Variants in CSMD1 observed in about 807,000 individuals in gnomAD.
CSMD1 encodes the protein CUB and sushi domain-containing protein 1.
Under a neutral mutation model 417.5 loss-of-function variants are expected in CSMD1, and 213 were observed. That is an observed-to-expected ratio of 0.51 (90% CI 0.46 to 0.57). CSMD1 has a LOEUF of 0.57. Ranked by LOEUF, CSMD1 falls within the 20% of genes least tolerant of loss-of-function variation. The probability of loss-of-function intolerance (pLI) is 0.00; values close to 1 mark genes in which losing one functional copy is unlikely to be tolerated. For synonymous variants in CSMD1, 2,862 were observed against 1,736.8 expected, an observed-to-expected ratio of 1.65 and a Z score of -16.11; for missense variants, 6,923 against 4,529.7, an observed-to-expected ratio of 1.53 and a Z score of -15.17.
intron 1 of CSMD1, among the ~76,000 whole-genome samples, chr8:4,750,904 C>A (rs1312934725): frequency 2.0e-5 from 3 of 152,194 alleles, no homozygotes; most frequent in Non-Finnish European, 2.9e-5. Context: ...CTAGGTCTTA[C>A]TAATTTGGAT....
At chr8:4,073,208 C>T (rs1032532232) in intron 3 of CSMD1, among the ~76,000 whole-genome samples, 1 of 151,968 alleles carries the variant, frequency 6.6e-6, no homozygotes, top group Admixed American at 6.6e-5. Flanking sequence ...ACAACAATAA[C>T]TTGTTTTTAA....
intron 48 of CSMD1, 28 bp downstream of exon 48, chr8:3,091,488 A>G (rs759632692): frequency 5.2e-6 from 8 of 1,539,832 alleles, no homozygotes; most frequent in Non-Finnish European, 7.0e-6. Flanking sequence ...AAATACTTTC[A>G]TATAAAATCT....
chr8:4,251,854 G>A (rs1451209568), intron 3 of CSMD1, among the ~76,000 whole-genome samples: 1 of 143,320 alleles, frequency 7.0e-6, no homozygotes, highest in Non-Finnish European at 1.5e-5. Context: ...CAGGAGGAGA[G>A]ATGGAGGAGA....
chr8:4,576,565 G>T (rs1799145698), intron 2 of CSMD1, among the ~76,000 whole-genome samples: 1 of 152,090 alleles, frequency 6.6e-6, no homozygotes, highest in Non-Finnish European at 1.5e-5. Context: ...GTTGGCAGGG[G>T]GTGGGGTGTG....
At chr8:4,763,041 G>C (rs1447600757) in intron 1 of CSMD1, among the ~76,000 whole-genome samples, 2 of 152,122 alleles carry the variant, frequency 1.3e-5, no homozygotes, top group Admixed American at 1.3e-4. Context: ...CCCCTAGCAA[G>C]ACTTCCAGGG....
chr8:4,555,405 C>T (rs547404859), intron 2 of CSMD1, among the ~76,000 whole-genome samples: 4 of 152,196 alleles, frequency 2.6e-5, no homozygotes, highest in African/African-American at 9.6e-5. Context: ...TCCTCTCCAG[C>T]GCAGGTGCAT....
intron 3 of CSMD1, among the ~76,000 whole-genome samples, chr8:4,378,774 A>G (rs1584983370): frequency 6.6e-6 from 1 of 152,144 alleles, no homozygotes; most frequent in African/African-American, 2.4e-5. Flanking sequence ...GCTCTCATGA[A>G]TGGGATTACT....
intron 5 of CSMD1, among the ~76,000 whole-genome samples, chr8:3,970,042 T>G (rs144418368): frequency 7.3e-4 from 111 of 152,354 alleles, no homozygotes; most frequent in African/African-American, 2.6e-3. Flanking sequence ...TTCAGCATAC[T>G]GAGCTACCAA....
At chr8:4,969,686 G>C (rs773708535) in intron 1 of CSMD1, among the ~76,000 whole-genome samples, 19 of 152,018 alleles carry the variant, frequency 1.2e-4, no homozygotes, top group Middle Eastern at 3.2e-3. Context: ...ATATTTTGGG[G>C]ACTTGGAGGG....
At chr8:4,439,813 G>A (rs1479199782) in intron 2 of CSMD1, among the ~76,000 whole-genome samples, 1 of 152,090 alleles carries the variant, frequency 6.6e-6, no homozygotes, top group African/African-American at 2.4e-5. Flanking sequence ...GTAAATTCAG[G>A]GGTGAAAATT....
intron 26 of CSMD1, among the ~76,000 whole-genome samples, chr8:3,282,935 AC>A (rs1400638939): frequency 6.6e-6 from 1 of 152,122 alleles, no homozygotes; most frequent in Non-Finnish European, 1.5e-5. Flanking sequence ...ATGATGGCTG[AC>A]CTTGTGTGCT....
At chr8:2,959,582 G>C (rs1225471539) in intron 62 of CSMD1, among the ~76,000 whole-genome samples, 2 of 151,840 alleles carry the variant, frequency 1.3e-5, no homozygotes, top group African/African-American at 4.8e-5. Flanking sequence ...AGAATATACC[G>C]AGCCACTGCA....
In CSMD1 at chr8:3,840,851, G is replaced by C. The variant is rs140911083; in HGVS notation, c.819-86809C>G. On this transcript the variant is annotated intron_variant, in intron 5 of 69. Transcript: ENST00000635120. ...GCTGGGCGCCTGCCACTACGTACAG[G>C]CGCCTGTGACTACGCCCATTAATTT... Among the ~76,000 whole-genome samples the C allele has an allele frequency of 3.2e-3, 491 of 151,902 alleles. 3 individuals are homozygous for C. Among genetic ancestry groups the C allele is most frequent in the African/African-American group, 0.012 (481 of 41,438 alleles).
chr8:4,037,382 T>G (rs1483673789), intron 3 of CSMD1, among the ~76,000 whole-genome samples: 1 of 152,196 alleles, frequency 6.6e-6, no homozygotes, highest in Non-Finnish European at 1.5e-5. Context: ...GGCCATCAGC[T>G]CCACGCAACA....
At chr8:4,269,881 G>A (rs1168400847) in intron 3 of CSMD1, among the ~76,000 whole-genome samples, 1 of 152,098 alleles carries the variant, frequency 6.6e-6, no homozygotes, top group Non-Finnish European at 1.5e-5. Flanking sequence ...ATCATTACTG[G>A]AGTTTATATT....
chr8:3,305,815 G>C (rs561897185), intron 25 of CSMD1, among the ~76,000 whole-genome samples: 1 of 152,236 alleles, frequency 6.6e-6, no homozygotes, highest in South Asian at 2.1e-4. Context: ...GAGTAGCTGG[G>C]ACTACAGGTG....
chr8:3,763,318 G>C lies in CSMD1; in HGVS notation c.819-9276C>G, dbSNP rs1260134580. 2.6e-5 allele frequency among the ~76,000 whole-genome samples: 4 copies of C among 152,216 alleles called. No homozygotes were observed. In the South Asian group the frequency reaches 8.3e-4, roughly 32 times the overall value. ...CATATGATTGCCGGTATTGGAGGTG[G>C]GGCCCTGTGGGAGGTGTTGGTGTCA... On this transcript the variant is annotated intron_variant, in intron 5 of 69. Coordinates refer to ENST00000635120, the MANE Select transcript of CSMD1 (RefSeq NM_033225.6).
rs576034526 is a variant in CSMD1, at chr8:4,971,106, C to A, written c.85+23226G>T. On this transcript the variant is annotated intron_variant, in intron 1 of 69. Transcript: ENST00000635120. ...TTTTGGATCTCATTTTTTTCATATA[C>A]CAAATTCAGACTTCAAACAATCTGA... 7.9e-5 allele frequency among the ~76,000 whole-genome samples: 12 copies of A among 151,878 alleles called. No homozygotes were observed. In the South Asian group the frequency reaches 2.5e-3, roughly 31 times the overall value.
chr8:3,287,318 G>GT (rs1188165941), intron 25 of CSMD1, among the ~76,000 whole-genome samples: 2 of 152,036 alleles, frequency 1.3e-5, no homozygotes, highest in Non-Finnish European at 2.9e-5. Context: ...CTTTAAAGTA[G>GT]TTTTTTCTAA....
Sources: allele counts gnomAD v4.1 joint callset (sites outside exome capture counted in the v4.1 genomes callset), GRCh38; gene constraint gnomAD v4.1.1; transcripts MANE v1.5; gene names NCBI Gene and HGNC (gene_info 2026-07-23, HGNC 2026-07-21).